The following PRCD variants were observed in gnomAD, a reference collection of about 807,000 sequenced individuals.
PRCD encodes the protein photoreceptor disk component PRCD.
In PRCD, 12 loss-of-function variants were observed where a neutral mutation model predicts 10.1. That is an observed-to-expected ratio of 1.18 (90% CI 0.76 to 1.92). The LOEUF (loss-of-function observed/expected upper bound fraction) is 1.92. PRCD is among the 40% of genes most tolerant of loss of function. PRCD has a pLI of 0.00. For synonymous variants in PRCD, 31 were observed against 26.2 expected (o/e 1.18, Z -0.56); for missense variants, 61 against 72.2 (o/e 0.84, Z 0.56).
At chr17:76,543,624 C>T (rs2075017901) in intron 4 of PRCD, among the ~76,000 whole-genome samples, 179 bp from the exon 5 acceptor site, 1 of 152,242 alleles carries the variant, frequency 6.6e-6, no homozygotes, top group Non-Finnish European at 1.5e-5. Flanking sequence ...TCCTACCCAC[C>T]ATGGCAGGCG....
chr17:76,529,847 A>G (rs1043213640), intron 1 of PRCD: 1 of 984,994 alleles, frequency 1.0e-6, no homozygotes, highest in Non-Finnish European at 1.2e-6. Flanking sequence ...GCACATCTGG[A>G]GTTGGCTTGG....
At chr17:76,537,377 CGGCCG>C (rs2074929915), upstream of PRCD, 4 of 1,574,048 alleles carry the variant, frequency 2.5e-6, no homozygotes, top group African/African-American at 1.4e-5. Context: ...GCCCAGGGCC[CGGCCG>C]GGCCGGGCGA....
chr17:76,546,824 T>C (rs538062779), downstream of PRCD: 1 of 152,322 alleles, frequency 6.6e-6, no homozygotes, highest in African/African-American at 2.4e-5. The surrounding 1 kb of genome is among the most constrained non-coding windows in gnomAD (Gnocchi z 4.5). Context: ...CACTGTTTCA[T>C]TTATGCGGCA....
At chr17:76,553,481 C>T (rs897166437) in exon 2 of PRCD, 4 of 152,232 alleles carry the variant, frequency 2.6e-5, no homozygotes, top group Admixed American at 2.0e-4. Context: ...GCTGCTGCCA[C>T]CGTTCCAAAT....
upstream of PRCD, among the ~76,000 whole-genome samples, chr17:76,539,474 G>A (rs1598210484): frequency 6.6e-6 from 1 of 152,280 alleles, no homozygotes; most frequent in East Asian, 1.9e-4. Flanking sequence ...AGAAAAGTTT[G>A]GAGAGGATTG....
In PRCD at chr17:76,528,059, A is replaced by C. The variant is rs1471331995; in HGVS notation, n.45+226A>C. 1 of 366,356 alleles carries C rather than the reference A, an allele frequency of 2.7e-6. No individual in the cohort carries two copies. The highest frequency in any genetic ancestry group is 5.2e-6 in the Non-Finnish European group (1 of 193,706). 22.7% of individuals were successfully genotyped at this position (366,356 alleles called of 1,614,324 possible). On this transcript the variant is annotated intron_variant and non_coding_transcript_variant, in intron 1 of 4. Transcript: ENST00000397633. This position sits in a 1 kb window ranked among gnomAD's most constrained non-coding sequence, Gnocchi z 5.8. Reference sequence around the variant, plus strand: ...ACCGGAACCCCTCCCTGCCCCACTCACAGGTGGGCCAAACCGAGGCTTCTG... The same window carrying C: ...ACCGGAACCCCTCCCTGCCCCACTCCCAGGTGGGCCAAACCGAGGCTTCTG...
chr17:76,537,669 G>A (rs2074935677), upstream of PRCD: 2 of 862,538 alleles, frequency 2.3e-6, no homozygotes, highest in East Asian at 2.4e-4. Flanking sequence ...GTAGAGCGCG[G>A]AGGGAGGGAG....
chr17:76,528,730 G>T lies in PRCD; in HGVS notation n.45+897G>T. 1.8e-6 allele frequency: 2 copies of T among 1,094,540 alleles called. No homozygotes were observed. 67.8% of individuals were successfully genotyped at this position (1,094,540 alleles called of 1,614,324 possible). On this transcript the variant is annotated intron_variant and non_coding_transcript_variant, in intron 1 of 4. Coordinates refer to the PRCD transcript ENST00000397633. The surrounding 1 kb of genome is among the most constrained non-coding windows in gnomAD (Gnocchi z 5.8). ...ACTTCCTGCCAAGAGATCCGGCACAGTGCAGTTGAAAGCAACCGTGAGACC... is the reference window on the plus strand; with the variant it reads ...ACTTCCTGCCAAGAGATCCGGCACATTGCAGTTGAAAGCAACCGTGAGACC...
At chr17:76,542,476 G>A (rs1212291420) in intron 2 of PRCD, 77 bp from the exon 3 acceptor site, 17 of 1,536,370 alleles carry the variant, frequency 1.1e-5, no homozygotes, top group Admixed American at 1.7e-5. Flanking sequence ...AGGGATGGGA[G>A]GAGGAGGAAG....
At position 76,530,855 on chromosome 17, in the gene PRCD, G is replaced by A; in HGVS notation, n.45+3022G>A. On this transcript the variant is annotated intron_variant and non_coding_transcript_variant, in intron 1 of 4. Coordinates refer to the PRCD transcript ENST00000397633. The surrounding 1 kb of genome is among the most constrained non-coding windows in gnomAD (Gnocchi z 6.1). ...TTCTTACATGTCAGACCCCAGGGTTGGCCTGCCTCAAGTGTGCCTGCCCAG... is the reference window on the plus strand; with the variant it reads ...TTCTTACATGTCAGACCCCAGGGTTAGCCTGCCTCAAGTGTGCCTGCCCAG... 2.7e-6 allele frequency: 3 copies of A among 1,092,218 alleles called. No individual in the cohort carries two copies. The highest frequency in any genetic ancestry group is 3.8e-6 in the Non-Finnish European group (3 of 779,602). 67.7% of individuals were successfully genotyped at this position (1,092,218 alleles called of 1,614,324 possible).
Position 76,533,269 on chromosome 17 carries a change from G to A in PRCD, n.45+5436G>A, listed in dbSNP as rs895167126. ...GCAGAAGGGCAAGAGGAGGGCCCCC[G>A]CTCACTGCTTCATGGATACACGGGT... On this transcript the variant is annotated intron_variant and non_coding_transcript_variant, in intron 1 of 4. Transcript: ENST00000397633. The surrounding 1 kb of genome is among the most constrained non-coding windows in gnomAD (Gnocchi z 4.5). Among the ~76,000 whole-genome samples, 6 of 152,166 alleles carry A rather than the reference G, an allele frequency of 3.9e-5. No individual in the cohort carries two copies. The highest frequency in any genetic ancestry group is 4.4e-5 in the Non-Finnish European group (3 of 68,036).
chr17:76,540,015 T>C (rs2074966885), upstream of PRCD: 1 of 1,002,832 alleles, frequency 1.0e-6, no homozygotes, highest in Admixed American at 2.1e-5. The surrounding 1 kb of genome is among the most constrained non-coding windows in gnomAD (Gnocchi z 5.0). Flanking sequence ...TTGAGCCTCC[T>C]AATCCATCCC....
chr17:76,543,211 T>C (rs1323338786), intron 4 of PRCD, 90 bp downstream of exon 4: 1 of 409,114 alleles, frequency 2.4e-6, no homozygotes, highest in East Asian at 7.2e-5. Flanking sequence ...TGGCTGGGCC[T>C]GGCAGAAAGA....
At chr17:76,527,795 C>T (rs564547481) in exon 1 of PRCD, 26 of 453,888 alleles carry the variant, frequency 5.7e-5, no homozygotes, top group Non-Finnish European at 9.7e-5. Flanking sequence ...TCATCCCACC[C>T]AGAACTTCGC....
rs1194053199 is a variant in PRCD, at chr17:76,528,619, CGA to C, written n.45+789_45+790del. On this transcript the variant is annotated intron_variant and non_coding_transcript_variant, in intron 1 of 4. Coordinates refer to the PRCD transcript ENST00000397633. This position sits in a 1 kb window ranked among gnomAD's most constrained non-coding sequence, Gnocchi z 5.8. ...GGCAGTGTGGCCGGTGGGCTGTGGA[CGA>C]GATAGGAAGGGAAGGACAAACGTTA... 1.6e-6 allele frequency: 2 copies of C among 1,274,398 alleles called. No homozygotes were observed. Among genetic ancestry groups the C allele is most frequent in the Admixed American group, 3.9e-5 (1 of 25,794 alleles). 78.9% of individuals were successfully genotyped at this position (1,274,398 alleles called of 1,614,324 possible). A position where few individuals can be genotyped will look rare whatever the true frequency, so the allele number is the denominator to read the frequency against.
chr17:76,534,704 C>G (rs906159371), intron 1 of PRCD, among the ~76,000 whole-genome samples: 8 of 152,126 alleles, frequency 5.3e-5, no homozygotes, highest in African/African-American at 1.9e-4. Flanking sequence ...CAGGCAGGCC[C>G]GCTTTGACAG....
chr17:76,532,994 TC>T (rs1308432952), intron 1 of PRCD, among the ~76,000 whole-genome samples: 5 of 152,178 alleles, frequency 3.3e-5, no homozygotes, highest in Non-Finnish European at 7.4e-5. Flanking sequence ...CCTTCGTGTG[TC>T]CCCTTTGCGA....
intron 1 of PRCD, among the ~76,000 whole-genome samples, chr17:76,532,448 G>A (rs1450177818): frequency 6.6e-6 from 1 of 151,856 alleles, no homozygotes; most frequent in Non-Finnish European, 1.5e-5. Flanking sequence ...CTTCCAGCGT[G>A]TCAGACTGGA....
rs768943075 is a variant in PRCD at position 76,530,148 on chromosome 17, C to T, written n.45+2315C>T. ...GAATGTTTCTCTACCACGCGTGTCC[C>T]GGGCTGCTGGCTGACCTCTGCTTCC... On this transcript the variant is annotated intron_variant and non_coding_transcript_variant, in intron 1 of 4. Coordinates refer to the PRCD transcript ENST00000397633. This position sits in a 1 kb window ranked among gnomAD's most constrained non-coding sequence, Gnocchi z 6.1. 115 of 946,338 alleles carry T rather than the reference C, an allele frequency of 1.2e-4. 1 individual carries two copies. Among genetic ancestry groups the T allele is most frequent in the Middle Eastern group, 5.4e-4 (1 of 1,856 alleles). The allele number at this position is 946,338 out of a possible 1,614,324, so 58.6% of individuals were successfully genotyped here. A position where few individuals can be genotyped will look rare whatever the true frequency, so the allele number is the denominator to read the frequency against.
Sources: gnomAD v4.1 joint callset for allele counts (sites outside exome capture counted in the v4.1 genomes callset) on GRCh38, gnomAD v4.1.1 for gene constraint, Gnocchi (gnomAD v3.1) non-coding constraint, MANE v1.5 for transcripts, NCBI Gene and HGNC (gene_info 2026-07-23, HGNC 2026-07-21) for gene names.